The following ERCC8 variants were observed in gnomAD, a reference collection of about 807,000 sequenced individuals.
ERCC8 encodes ERCC excision repair 8, CSA ubiquitin ligase complex subunit.
Under a neutral mutation model 54.9 loss-of-function variants are expected in ERCC8, and 52 were observed. The ratio of observed to expected loss-of-function variants is 0.95; its 90% CI spans 0.76 to 1.19. The LOEUF (loss-of-function observed/expected upper bound fraction) is 1.19. Ranked by LOEUF, ERCC8 falls within the 50% of genes most tolerant of loss-of-function variation. The pLI, the probability that ERCC8 is intolerant of heterozygous loss-of-function variation, is 0.00. For missense variants in ERCC8, 514 were observed against 466.1 expected (o/e 1.10, Z -0.95); for synonymous variants, 146 against 157.2 (o/e 0.93, Z 0.53).
intron 9 of ERCC8, chr5:60,893,292 C>T (rs1335275813): frequency 1.1e-6 from 1 of 950,670 alleles, no homozygotes. Context: ...TGCAAAACTT[C>T]TTCCTTACAC....
rs1747810337 is a variant in ERCC8, at chr5:60,869,083, T to C, written c.*5532A>G. Among the ~76,000 whole-genome samples, 2 of 152,164 alleles carry C rather than the reference T, an allele frequency of 1.3e-5. No individual in the cohort carries two copies. The highest frequency in any genetic ancestry group is 2.1e-4 in the South Asian group (1 of 4,836). ...ATTAGCACCTGAACATGGAAAACAT[T>C]AAATTAAAAAAATGGAAATTTACCA... On this transcript the variant is annotated 3_prime_UTR_variant, in exon 12 of 12. Transcript: ENST00000676185.
At chr5:60,904,088 G>T (rs971092033) in intron 5 of ERCC8, among the ~76,000 whole-genome samples, 1 of 152,056 alleles carries the variant, frequency 6.6e-6, no homozygotes, top group Non-Finnish European at 1.5e-5. Context: ...AAATGTGTAT[G>T]TATGTATGTA....
intron 1 of ERCC8, among the ~76,000 whole-genome samples, chr5:60,935,115 T>C (rs1453698350): frequency 2.0e-5 from 3 of 152,198 alleles, no homozygotes; most frequent in Admixed American, 1.3e-4. Flanking sequence ...AATTTGTAGA[T>C]TGTTTTTGGC....
intron 3 of ERCC8, among the ~76,000 whole-genome samples, chr5:60,920,958 G>C (rs1414609732): frequency 1.3e-5 from 2 of 151,826 alleles, no homozygotes; most frequent in African/African-American, 4.8e-5. Flanking sequence ...GGTGGGAAGA[G>C]AGTATATATG....
rs367803350 is a variant in ERCC8, at chr5:60,868,462, C to T, written c.*6153G>A. On this transcript the variant is annotated 3_prime_UTR_variant, in exon 12 of 12. Transcript: ENST00000676185. ...CTACACACAGAGAACTAAGAGAGGT[C>T]GCAACATAGTTCTTTAATTTTACCC... Among the ~76,000 whole-genome samples the T allele has an allele frequency of 2.0e-5, 3 of 152,080 alleles. No homozygotes were observed. The highest frequency in any genetic ancestry group is 7.2e-5 in the African/African-American group (3 of 41,408).
At position 60,874,560 on chromosome 5, in the gene ERCC8, A is replaced by G. The variant is rs917059743; in HGVS notation, c.*55T>C. The G allele has an allele frequency of 1.3e-6, 2 of 1,497,820 alleles. No homozygotes were observed. The highest frequency in any genetic ancestry group is 2.8e-5 in the African/African-American group (2 of 72,540). The allele number at this position is 1,497,820 out of a possible 1,614,324, so 92.8% of individuals were successfully genotyped here. A position where few individuals can be genotyped will look rare whatever the true frequency, so the allele number is the denominator to read the frequency against. ...GGAATAGACCATACAGTTGAAAAAA[A>G]CACAGTCTCATTTAAAAAGTTTCAG... On this transcript the variant is annotated 3_prime_UTR_variant, in exon 12 of 12. Transcript: ENST00000676185.
At chr5:60,941,781 A>G (rs1347634527) in intron 1 of ERCC8, among the ~76,000 whole-genome samples, 1 of 152,234 alleles carries the variant, frequency 6.6e-6, no homozygotes, top group Non-Finnish European at 1.5e-5. Context: ...TATATTCTTC[A>G]GAGACAAGAA....
chr5:60,909,599 T>G (rs1749194420), intron 4 of ERCC8: 1 of 153,548 alleles, frequency 6.5e-6, no homozygotes, highest in Non-Finnish European at 1.4e-5. Context: ...GTAAATATAT[T>G]TCTCTTCCTC....
At chr5:60,911,305 G>A (rs949567016) in intron 4 of ERCC8, among the ~76,000 whole-genome samples, 1 of 151,976 alleles carries the variant, frequency 6.6e-6, no homozygotes, top group East Asian at 1.9e-4. Context: ...GGTGTGAGAT[G>A]GTATCACACT....
At chr5:60,914,187 G>T (rs543918118) in intron 4 of ERCC8, among the ~76,000 whole-genome samples, 3 of 152,060 alleles carry the variant, frequency 2.0e-5, no homozygotes, top group Non-Finnish European at 4.4e-5. Context: ...TGTTGAGAGT[G>T]GGGTGTTAAA....
intron 3 of ERCC8, 196 bp from the exon 4 acceptor site, chr5:60,918,584 G>A (rs189249793): frequency 5.2e-6 from 3 of 578,736 alleles, no homozygotes; most frequent in East Asian, 3.0e-5. Context: ...ACTGTGTGAT[G>A]TAGAGACATA....
intron 11 of ERCC8, among the ~76,000 whole-genome samples, chr5:60,880,272 G>A (rs954607953): frequency 2.6e-5 from 4 of 152,302 alleles, no homozygotes; most frequent in African/African-American, 9.6e-5. Context: ...TGGGTAACCC[G>A]ACCTTTCTCT....
chr5:60,921,249 G>A (rs977093859), intron 3 of ERCC8, among the ~76,000 whole-genome samples: 4 of 151,856 alleles, frequency 2.6e-5, no homozygotes, highest in Non-Finnish European at 4.4e-5. Context: ...AATCTCCTCC[G>A]AAATATTCCA....
chr5:60,926,342 T>C (rs567197523), intron 2 of ERCC8, among the ~76,000 whole-genome samples: 88 of 152,300 alleles, frequency 5.8e-4, no homozygotes, highest in African/African-American at 2.0e-3. Flanking sequence ...CTCCTTTAAA[T>C]GGTGTGTGTA....
chr5:60,896,462 C>T (rs758583502), intron 9 of ERCC8, among the ~76,000 whole-genome samples: 44 of 152,106 alleles, frequency 2.9e-4, no homozygotes, highest in Non-Finnish European at 1.5e-4. Context: ...CACCCACCTC[C>T]GCCTCCCAAA....
intron 3 of ERCC8, 56 bp from the exon 4 acceptor site, chr5:60,918,444 G>A (rs1749504950): frequency 6.7e-7 from 1 of 1,497,568 alleles, no homozygotes; most frequent in African/African-American, 1.4e-5. Flanking sequence ...TTCAAAACTG[G>A]TACTATATTA....
rs536425535 is a variant in ERCC8 at position 60,870,973 on chromosome 5, A to G, written c.*3642T>C. On this transcript the variant is annotated 3_prime_UTR_variant, in exon 12 of 12. Coordinates refer to ENST00000676185, the MANE Select transcript of ERCC8 (RefSeq NM_000082.4). ...TAACGAATGAATTCCCTACAAAGGGAAAAAAAACCAAAGTGGCTTTGGAAT... is the reference window on the plus strand; with the variant it reads ...TAACGAATGAATTCCCTACAAAGGGGAAAAAAACCAAAGTGGCTTTGGAAT... Among the ~76,000 whole-genome samples the G allele has an allele frequency of 1.3e-5, 2 of 151,988 alleles. No homozygotes were observed. The highest frequency in any genetic ancestry group is 6.6e-5 in the Admixed American group (1 of 15,242).
rs574857988 is a variant in ERCC8 at position 60,869,945 on chromosome 5, G to A, written c.*4670C>T. ...TATAAAATGTACAAGGCACTGGAGAGAAGTTATACATGATCGCTGCCTTCA... is the reference window on the plus strand; with the variant it reads ...TATAAAATGTACAAGGCACTGGAGAAAAGTTATACATGATCGCTGCCTTCA... On this transcript the variant is annotated 3_prime_UTR_variant, in exon 12 of 12. Transcript: ENST00000676185. Among the ~76,000 whole-genome samples the A allele has an allele frequency of 3.9e-5, 6 of 152,292 alleles. No homozygotes were observed. The South Asian group carries it at 1.2e-3, about 32-fold the overall frequency.
At chr5:60,938,476 C>G (rs1580052191) in intron 1 of ERCC8, among the ~76,000 whole-genome samples, 1 of 151,876 alleles carries the variant, frequency 6.6e-6, no homozygotes, top group African/African-American at 2.4e-5. Flanking sequence ...GCCTCAGCCC[C>G]CCGAGTAGCT....
Sources: allele counts gnomAD v4.1 joint callset (sites outside exome capture counted in the v4.1 genomes callset), GRCh38; gene constraint gnomAD v4.1.1; transcripts MANE v1.5; gene names NCBI Gene and HGNC (gene_info 2026-07-23, HGNC 2026-07-21).